The following TTC28 variants were observed in gnomAD, a reference collection of about 807,000 sequenced individuals.
TTC28 encodes the protein tetratricopeptide repeat protein 28.
Under a neutral mutation model 198.0 loss-of-function variants are expected in TTC28, and 61 were observed. The ratio of observed to expected loss-of-function variants is 0.31; its 90% confidence interval spans 0.25 to 0.38. The LOEUF (loss-of-function observed/expected upper bound fraction) is 0.38. Among genes scored for constraint, TTC28 ranks in the 10% least tolerant of loss-of-function variants. The pLI is 1.00. For synonymous variants in TTC28, 1,171 were observed against 1,297.8 expected (o/e 0.90, Z 2.10); for missense variants, 2,678 against 3,164.0 (o/e 0.85, Z 3.69).
chr22:28,235,818 A>C (rs1929202330), intron 5 of TTC28, among the ~76,000 whole-genome samples: 1 of 152,206 alleles, frequency 6.6e-6, no homozygotes, highest in Non-Finnish European at 1.5e-5. Flanking sequence ...TAAAAACTGA[A>C]ACCATGTAAC....
chr22:28,277,979 A>T (rs987938699), intron 5 of TTC28, among the ~76,000 whole-genome samples: 67 of 152,240 alleles, frequency 4.4e-4, no homozygotes, highest in African/African-American at 1.6e-3. Flanking sequence ...ATCTTTAGGA[A>T]CAATACCACT....
chr22:28,196,208 T>G (rs1925321007), intron 5 of TTC28, among the ~76,000 whole-genome samples: 4 of 152,098 alleles, frequency 2.6e-5, no homozygotes, highest in Admixed American at 1.3e-4. Context: ...ATTTAATAAA[T>G]GGTGCTGGGA....
At chr22:28,026,113 G>T (rs1272560609) in intron 13 of TTC28, among the ~76,000 whole-genome samples, 1 of 152,212 alleles carries the variant, frequency 6.6e-6, no homozygotes, top group African/African-American at 2.4e-5. Context: ...CGTGGATTTG[G>T]AGGGCAGGGC....
At chr22:28,221,383 T>C (rs1927848644) in intron 5 of TTC28, among the ~76,000 whole-genome samples, 2 of 152,200 alleles carry the variant, frequency 1.3e-5, no homozygotes, top group Non-Finnish European at 2.9e-5. Flanking sequence ...CAATAGCTAA[T>C]AACCCAGGGT....
intron 2 of TTC28, among the ~76,000 whole-genome samples, chr22:28,537,488 A>C (rs952512032): frequency 6.6e-6 from 1 of 151,806 alleles, no homozygotes. Context: ...AGATCCTCTC[A>C]TAACAAAAAA....
intron 2 of TTC28, among the ~76,000 whole-genome samples, chr22:28,355,312 A>T (rs1217503283): frequency 6.6e-6 from 1 of 152,302 alleles, no homozygotes; most frequent in East Asian, 1.9e-4. Flanking sequence ...TTGGAAAAGG[A>T]GTTATCACGG....
At chr22:28,031,283 T>C (rs184922026) in intron 12 of TTC28, among the ~76,000 whole-genome samples, 1 of 152,130 alleles carries the variant, frequency 6.6e-6, no homozygotes, top group African/African-American at 2.4e-5. Context: ...CAAAGGCACA[T>C]CTCTATGTTG....
chr22:28,647,009 G>C (rs1174372899), intron 1 of TTC28, among the ~76,000 whole-genome samples: 1 of 152,174 alleles, frequency 6.6e-6, no homozygotes, highest in Non-Finnish European at 1.5e-5. Flanking sequence ...TAACTGGAAT[G>C]GCATGGTACT....
intron 2 of TTC28, among the ~76,000 whole-genome samples, chr22:28,584,397 T>C (rs1364256305): frequency 6.6e-6 from 1 of 152,186 alleles, no homozygotes; most frequent in Admixed American, 6.5e-5. Flanking sequence ...CCACCTTTAC[T>C]TCCTTTGTCC....
intron 2 of TTC28, among the ~76,000 whole-genome samples, chr22:28,583,931 CTTATAA>C (rs999404402): frequency 2.6e-5 from 4 of 151,038 alleles, no homozygotes; most frequent in African/African-American, 9.7e-5. Context: ...ACTAGTTATT[CTTATAA>C]ATATATTCTA....
At chr22:28,645,069 C>G (rs2051436366) in intron 1 of TTC28, among the ~76,000 whole-genome samples, 1 of 151,508 alleles carries the variant, frequency 6.6e-6, no homozygotes, top group Non-Finnish European at 1.5e-5. Context: ...GGTGTGAACC[C>G]AGGAGGCAGA....
chr22:28,366,968 A>G (rs1383061647), intron 2 of TTC28, among the ~76,000 whole-genome samples: 2 of 152,104 alleles, frequency 1.3e-5, no homozygotes, highest in African/African-American at 4.8e-5. Context: ...CAAGAGAGAC[A>G]GACCCCAATA....
chr22:28,533,127 G>A (rs1428429100), intron 2 of TTC28, among the ~76,000 whole-genome samples: 1 of 152,166 alleles, frequency 6.6e-6, no homozygotes, highest in Non-Finnish European at 1.5e-5. Context: ...GTCCCTGTTT[G>A]TAGATGACAT....
At chr22:28,441,392 T>C (rs2047619264) in intron 2 of TTC28, among the ~76,000 whole-genome samples, 1 of 151,988 alleles carries the variant, frequency 6.6e-6, no homozygotes, top group African/African-American at 2.4e-5. Context: ...GTTTTCCTCG[T>C]TCTGTCTGTA....
chr22:28,626,687 G>T (rs1455630884), intron 2 of TTC28, among the ~76,000 whole-genome samples: 1 of 151,794 alleles, frequency 6.6e-6, no homozygotes, highest in African/African-American at 2.4e-5. Context: ...TACCTCAAAA[G>T]AACCTTTTGT....
intron 2 of TTC28, among the ~76,000 whole-genome samples, chr22:28,421,933 C>CAA (rs3884802): frequency 3.2e-4 from 24 of 75,362 alleles, no homozygotes; most frequent in African/African-American, 5.9e-4. Context: ...GACTCCGTCT[C>CAA]AAAAAAAAAA....
intron 1 of TTC28, among the ~76,000 whole-genome samples, chr22:28,647,452 G>A (rs1036282311): frequency 1.3e-5 from 2 of 152,140 alleles, no homozygotes; most frequent in African/African-American, 4.8e-5. Context: ...ACAGCCCACA[G>A]AGAGGAAGAA....
intron 5 of TTC28, among the ~76,000 whole-genome samples, chr22:28,167,051 C>CA (rs950697929): frequency 1.2e-4 from 19 of 152,232 alleles, no homozygotes; most frequent in East Asian, 3.9e-4. Context: ...CACCTCTACG[C>CA]AAAAAAACTA....
At chr22:28,270,081 G>A (rs1475981291) in intron 5 of TTC28, among the ~76,000 whole-genome samples, 1 of 152,110 alleles carries the variant, frequency 6.6e-6, no homozygotes, top group Non-Finnish European at 1.5e-5. Flanking sequence ...ACAGCCCCAG[G>A]GGGTCCTGAC....
Sources: gnomAD v4.1 joint callset for allele counts (sites outside exome capture counted in the v4.1 genomes callset) on GRCh38, gnomAD v4.1.1 for gene constraint, MANE v1.5 for transcripts, NCBI Gene and HGNC (gene_info 2026-07-23, HGNC 2026-07-21) for gene names.